The following IL16 variants were observed in gnomAD, a reference collection of about 807,000 sequenced individuals.
The protein encoded by IL16 is interleukin 16, also known as pro-interleukin-16.
Under a neutral mutation model 110.1 loss-of-function variants are expected in IL16, and 67 were observed. That is an observed-to-expected ratio of 0.61 (90% confidence interval 0.50 to 0.75). IL16 has a LOEUF of 0.75. Among genes scored for constraint, IL16 ranks in the 30% least tolerant of loss-of-function variants. The pLI is 0.00. For missense variants in IL16, 1,545 were observed against 1,655.0 expected (o/e 0.93, Z 1.15); for synonymous variants, 689 against 662.9 (o/e 1.04, Z -0.61).
In IL16 at chr15:81,310,675, C is replaced by G. The variant is rs925282008; in HGVS notation, c.*1877C>G. 3 of 152,214 alleles carry G rather than the reference C, an allele frequency of 2.0e-5. No homozygotes were observed. The highest frequency in any genetic ancestry group is 1.3e-4 in the Admixed American group (2 of 15,280). The allele number at this position is 152,214 out of a possible 1,614,324, so 9.4% of individuals were successfully genotyped here. A position where few individuals can be genotyped will look rare whatever the true frequency, so the allele number is the denominator to read the frequency against. On this transcript the variant is annotated 3_prime_UTR_variant, in exon 19 of 19. Coordinates refer to ENST00000683961, the MANE Select transcript of IL16 (RefSeq NM_172217.5). Reference sequence around the variant, plus strand: ...TTCCTTGCCTGCACAAACTCACCATCTGTGCACGCAGTGGCCTTCCCTAAA... The same window carrying G: ...TTCCTTGCCTGCACAAACTCACCATGTGTGCACGCAGTGGCCTTCCCTAAA...
At position 81,279,712 on chromosome 15, in the gene IL16, C is replaced by G. The variant is rs202091691; in HGVS notation, c.1019C>G (p.Ser340Trp). 1 of 1,614,220 alleles carries G rather than the reference C, an allele frequency of 6.2e-7. No homozygotes were observed. Among genetic ancestry groups the G allele is most frequent in the Non-Finnish European group, 8.5e-7 (1 of 1,180,040 alleles). Reference sequence around the variant, plus strand: ...AGCTCCTTCGCCTTGGAAAGCCCCTCGGCTCCCATCAGCACCGCCAAGCCC... The same window carrying G: ...AGCTCCTTCGCCTTGGAAAGCCCCTGGGCTCCCATCAGCACCGCCAAGCCC... ...DSSSFALESP[S>W]APISTAKPNY... Residue 340 changes from serine to tryptophan, a missense_variant, in exon 8 of 19, where the codon TCG becomes TGG. Physicochemically the swap from Ser to Trp is radical, Grantham distance 177. This residue lies in a region of IL16 where 1,185 missense variants were observed against 1,238.8 expected (regional missense o/e 0.96). Transcript: ENST00000683961.
chr15:81,204,430 G>A (rs1895935689), intron 1 of IL16, among the ~76,000 whole-genome samples: 1 of 152,044 alleles, frequency 6.6e-6, no homozygotes. Flanking sequence ...TCCAGTTTTT[G>A]CCCATTCAGT....
intron 5 of IL16, among the ~76,000 whole-genome samples, chr15:81,272,309 C>T (rs1389889185): frequency 6.6e-6 from 1 of 152,176 alleles, no homozygotes; most frequent in Non-Finnish European, 1.5e-5. Flanking sequence ...ACTCACTGGC[C>T]GATTTGCAGG....
intron 3 of IL16, among the ~76,000 whole-genome samples, chr15:81,262,822 T>G (rs1311659321): frequency 2.0e-5 from 3 of 152,134 alleles, no homozygotes; most frequent in African/African-American, 7.2e-5. Flanking sequence ...TCCCAGCTAC[T>G]CAGGAGGCTG....
At chr15:81,256,772 C>G (rs764722197) in intron 2 of IL16, among the ~76,000 whole-genome samples, 3 of 152,150 alleles carry the variant, frequency 2.0e-5, no homozygotes, top group Non-Finnish European at 4.4e-5. Flanking sequence ...GGGCTTGCTC[C>G]TCATGGATAA....
chr15:81,282,676 T>C lies in IL16; in HGVS notation c.1119T>C (p.Val373=). 6.2e-7 allele frequency: 1 copy of C among 1,613,990 alleles called. No homozygotes were observed. The highest frequency in any genetic ancestry group is 8.5e-7 in the Non-Finnish European group (1 of 1,180,028). The change falls in exon 9 of 19, where the codon GTT becomes GTC. Residue 373 remains valine, a synonymous_variant. Coordinates refer to ENST00000683961, the MANE Select transcript of IL16 (RefSeq NM_172217.5). ...GVGLGIGLCS[V]PYFQCISGIF... ...GCCTGGGCATCGGCCTGTGCAGCGTTCCCTACTTCCAATGCATCTCTGGCA... is the reference window on the plus strand; with the variant it reads ...GCCTGGGCATCGGCCTGTGCAGCGTCCCCTACTTCCAATGCATCTCTGGCA...
At chr15:81,264,283 C>G (rs1190174290) in intron 3 of IL16, among the ~76,000 whole-genome samples, 1 of 152,210 alleles carries the variant, frequency 6.6e-6, no homozygotes, top group Non-Finnish European at 1.5e-5. Context: ...GCTGAAGCAG[C>G]TGCTGGGAGC....
chr15:81,253,775 A>G (rs1055179353), intron 2 of IL16, among the ~76,000 whole-genome samples: 2 of 152,206 alleles, frequency 1.3e-5, no homozygotes, highest in African/African-American at 4.8e-5. Flanking sequence ...CCAATCTAAA[A>G]CAAATATCCT....
intron 2 of IL16, among the ~76,000 whole-genome samples, chr15:81,249,625 T>G (rs1174175331): frequency 6.6e-6 from 1 of 152,250 alleles, no homozygotes; most frequent in Non-Finnish European, 1.5e-5. Context: ...ATCTTCTATA[T>G]GTTTTAGTGT....
chr15:81,222,076 A>C (rs1896634191), intron 1 of IL16, among the ~76,000 whole-genome samples: 1 of 152,074 alleles, frequency 6.6e-6, no homozygotes, highest in African/African-American at 2.4e-5. Flanking sequence ...TATTGCTGGG[A>C]CAGTTATTGT....
At chr15:81,236,691 C>T (rs1005204912) in intron 2 of IL16, among the ~76,000 whole-genome samples, 1 of 152,154 alleles carries the variant, frequency 6.6e-6, no homozygotes, top group Non-Finnish European at 1.5e-5. Context: ...CGCGGTGGCT[C>T]ATGCCTGTAA....
At chr15:81,205,998 G>A (rs1218113236) in intron 1 of IL16, among the ~76,000 whole-genome samples, 5 of 152,076 alleles carry the variant, frequency 3.3e-5, no homozygotes, top group Non-Finnish European at 5.9e-5. Flanking sequence ...ATAAAGCGTC[G>A]AAATATGTAA....
intron 2 of IL16, among the ~76,000 whole-genome samples, chr15:81,256,332 CTTT>C (rs386383603): frequency 4.0e-5 from 5 of 125,744 alleles, no homozygotes; most frequent in Non-Finnish European, 6.6e-5. Context: ...TCTTTACAAA[CTTT>C]TTTTTTTTTT....
Position 81,292,980 on chromosome 15 carries a change from G to C in IL16, c.1845G>C (p.Leu615=). Residue 615 remains leucine (L), a synonymous_variant, in exon 12 of 19, where the codon CTG becomes CTC. Coordinates refer to ENST00000683961, the MANE Select transcript of IL16 (RefSeq NM_172217.5). The part of the protein sequence containing the change: ...FKSDSDPQKS[L]EERENSSCSS... ...GTGACAGTGACCCTCAGAAGAGTCT[G>C]GAAGAGAGAGAGAACTCCTCATGCT... 6.2e-7 allele frequency: 1 copy of C among 1,613,584 alleles called. No homozygotes were observed. The highest frequency in any genetic ancestry group is 8.5e-7 in the Non-Finnish European group (1 of 1,180,036).
At chr15:81,285,548 G>A in intron 9 of IL16, 150 bp from the exon 10 acceptor site, 1 of 751,458 alleles carries the variant, frequency 1.3e-6, no homozygotes, top group Admixed American at 2.8e-5. Context: ...CCTGTTCTGA[G>A]TTTTGGTCTG....
rs527434325 is a variant in IL16 at position 81,303,675 on chromosome 15, G to A, written c.3420+25G>A. 124 of 1,460,902 alleles carry A rather than the reference G, an allele frequency of 8.5e-5. No individual in the cohort carries two copies. The South Asian group carries it at 1.4e-3, about 16-fold the overall frequency. 90.5% of individuals were successfully genotyped at this position (1,460,902 alleles called of 1,614,324 possible). On this transcript the variant is annotated intron_variant, in intron 16 of 18. Transcript: ENST00000683961. The surrounding 1 kb of genome is among the most constrained non-coding windows in gnomAD (Gnocchi z 4.1). ...GGTGAGTGGCCAAGTGAAGGGGCATGTCACAGCCAGAGGCAATGGTTCTGG... is the reference window on the plus strand; with the variant it reads ...GGTGAGTGGCCAAGTGAAGGGGCATATCACAGCCAGAGGCAATGGTTCTGG...
At chr15:81,276,522 AAG>A (rs1291648236) in intron 6 of IL16, among the ~76,000 whole-genome samples, 2 of 152,208 alleles carry the variant, frequency 1.3e-5, no homozygotes, top group African/African-American at 4.8e-5. Context: ...TTGATAATGA[AAG>A]AGTTTCCCCT....
chr15:81,288,393 C>T (rs996341552), intron 10 of IL16, among the ~76,000 whole-genome samples: 1 of 152,198 alleles, frequency 6.6e-6, no homozygotes, highest in African/African-American at 2.4e-5. Flanking sequence ...TAAGAGTTTA[C>T]CATCTGCCAG....
At chr15:81,274,236 C>T (rs546791797) in intron 6 of IL16, among the ~76,000 whole-genome samples, 3 of 152,204 alleles carry the variant, frequency 2.0e-5, no homozygotes, top group African/African-American at 2.4e-5. Context: ...TCTGGCCCAC[C>T]GCCTGTTTTC....
Sources: gnomAD v4.1 joint callset for allele counts (sites outside exome capture counted in the v4.1 genomes callset) on GRCh38, gnomAD v4.1.1 for gene constraint, gnomAD v4.1.1 regional missense constraint, Gnocchi (gnomAD v3.1) non-coding constraint, MANE v1.5 for transcripts, NCBI Gene and HGNC (gene_info 2026-07-23, HGNC 2026-07-21) for gene names.